The following GRM1 variants were observed in gnomAD, a reference collection of about 807,000 sequenced individuals.
GRM1 encodes metabotropic glutamate receptor 1.
A neutral mutation model predicts 90.9 loss-of-function variants in GRM1; 33 were observed. That is an observed-to-expected ratio of 0.36 (90% confidence interval 0.28 to 0.49). GRM1 has a LOEUF of 0.49. Among genes scored for constraint, GRM1 ranks in the 20% least tolerant of loss-of-function variants. GRM1 has a pLI of 0.99. For synonymous variants in GRM1, 700 were observed against 613.2 expected (o/e 1.14, Z -2.09); for missense variants, 1,190 against 1,534.3 (o/e 0.78, Z 3.75).
chr6:146,029,261 T>C lies in GRM1; in HGVS notation c.-257T>C, dbSNP rs1222969594. ...TCTTGATCAATTTACCTTGATGCAC[T>C]ACCGGTGAAGAACGGGGACTCGAAT... On this transcript the variant is annotated 5_prime_UTR_variant, in exon 1 of 8. Coordinates refer to ENST00000282753, the MANE Select transcript of GRM1 (RefSeq NM_001278064.2). 2 of 545,942 alleles carry C rather than the reference T, an allele frequency of 3.7e-6. No individual in the cohort carries two copies. Among genetic ancestry groups the C allele is most frequent in the Non-Finnish European group, 6.6e-6 (2 of 303,168 alleles). The allele number at this position is 545,942 out of a possible 1,614,324, so 33.8% of individuals were successfully genotyped here.
At chr6:146,059,607 G>A (rs1311222569) in intron 1 of GRM1, among the ~76,000 whole-genome samples, 2 of 152,120 alleles carry the variant, frequency 1.3e-5, no homozygotes, top group Non-Finnish European at 2.9e-5. Context: ...AAGCTTTGGA[G>A]CTAGCATCGA....
At chr6:146,153,161 G>A (rs910647950) in intron 1 of GRM1, among the ~76,000 whole-genome samples, 2 of 152,164 alleles carry the variant, frequency 1.3e-5, no homozygotes, top group African/African-American at 4.8e-5. Flanking sequence ...CTCAGAACAA[G>A]CGACACTTTC....
chr6:146,410,831 C>T (rs190500429), intron 7 of GRM1, among the ~76,000 whole-genome samples: 2 of 152,200 alleles, frequency 1.3e-5, no homozygotes, highest in Admixed American at 1.3e-4. Flanking sequence ...GGTTGGTATT[C>T]CTTATAAGGA....
chr6:146,394,703 G>T (rs1461696849), intron 6 of GRM1, among the ~76,000 whole-genome samples: 3 of 152,098 alleles, frequency 2.0e-5, no homozygotes, highest in Non-Finnish European at 2.9e-5. Flanking sequence ...TTTCAGCTAA[G>T]AAATACAAAT....
At chr6:146,312,390 T>G (rs1305630612) in intron 3 of GRM1, among the ~76,000 whole-genome samples, 3 of 144,952 alleles carry the variant, frequency 2.1e-5, no homozygotes, top group South Asian at 4.4e-4. Context: ...GAATATTTAG[T>G]AAGCTTTGAC....
chr6:146,043,793 A>ATC (rs1218933511), intron 1 of GRM1, among the ~76,000 whole-genome samples: 9 of 136,244 alleles, frequency 6.6e-5, no homozygotes, highest in South Asian at 2.4e-4. Flanking sequence ...ATATATATAT[A>ATC]TATATATATA....
Position 146,029,872 on chromosome 6 carries a change from A to G in GRM1, c.355A>G (p.Ser119Gly). Residue 119 changes from serine to glycine, a missense_variant, in exon 1 of 8, where the codon AGC becomes GGC. This residue lies in a region of GRM1 where 91 missense variants were observed against 95.6 expected (regional missense o/e 0.95). Transcript: ENST00000282753. ...GCACTCTTCCGTGGCTCTGGAACAG[A>G]GCATTGAGTTCATTAGGGACTCTCT... ...CWHSSVALEQ[S>G]IEFIRDSLIS... 2.5e-6 allele frequency: 4 copies of G among 1,614,062 alleles called. No individual in the cohort carries two copies. Among genetic ancestry groups the G allele is most frequent in the Non-Finnish European group, 3.4e-6 (4 of 1,179,984 alleles).
intron 1 of GRM1, among the ~76,000 whole-genome samples, chr6:146,131,378 C>T (rs1262874683): frequency 6.6e-6 from 1 of 151,902 alleles, no homozygotes; most frequent in Non-Finnish European, 1.5e-5. Flanking sequence ...AATTAGGAGC[C>T]CTGGGTTTCA....
At chr6:146,353,349 C>G (rs1785471466) in intron 4 of GRM1, among the ~76,000 whole-genome samples, 1 of 152,218 alleles carries the variant, frequency 6.6e-6, no homozygotes, top group South Asian at 2.1e-4. Context: ...CTTATAGGCC[C>G]TGTCACCTGT....
intron 5 of GRM1, among the ~76,000 whole-genome samples, chr6:146,372,143 T>G (rs1414427024): frequency 1.3e-5 from 2 of 152,184 alleles, no homozygotes; most frequent in African/African-American, 4.8e-5. Flanking sequence ...GTCATTTGGA[T>G]ATAAACCATT....
intron 1 of GRM1, among the ~76,000 whole-genome samples, chr6:146,149,410 G>T (rs887059896): frequency 1.3e-5 from 2 of 152,304 alleles, no homozygotes; most frequent in Non-Finnish European, 2.9e-5. Flanking sequence ...CAGTGCTAAA[G>T]CCTTATGTCC....
intron 3 of GRM1, among the ~76,000 whole-genome samples, chr6:146,316,917 A>G (rs915261857): frequency 8.5e-5 from 13 of 152,120 alleles, no homozygotes; most frequent in Non-Finnish European, 1.9e-4. Context: ...CAGCTTTTTA[A>G]TTTTTCTAAG....
In GRM1 at chr6:146,146,103, C is replaced by CTTTTTTTTTTTT. The variant is rs35329703; in HGVS notation, c.701-13220_701-13209dup. Among the ~76,000 whole-genome samples the CTTTTTTTTTTTT allele has an allele frequency of 2.6e-3, 51 of 19,990 alleles. 21 individuals are homozygous for CTTTTTTTTTTTT. Among genetic ancestry groups the CTTTTTTTTTTTT allele is most frequent in the South Asian group, 4.7e-3 (2 of 428 alleles). 13.1% of individuals were successfully genotyped at this position (19,990 alleles called of 152,430 possible). Reference sequence around the variant, plus strand: ...CTGTGCCTATGTACTACCATTGTATCTTTTTTTTTTTTTTTTTTTTTTTTT... The same window carrying CTTTTTTTTTTTT: ...CTGTGCCTATGTACTACCATTGTATCTTTTTTTTTTTTTTTTTTTTTTTTTTTTTTTTTTTTT... On this transcript the variant is annotated intron_variant, in intron 1 of 7. Coordinates refer to ENST00000282753, the MANE Select transcript of GRM1 (RefSeq NM_001278064.2).
At chr6:146,334,346 C>G (rs1041062897) in intron 3 of GRM1, among the ~76,000 whole-genome samples, 5 of 152,192 alleles carry the variant, frequency 3.3e-5, no homozygotes, top group African/African-American at 1.2e-4. Flanking sequence ...TGGAGAAAAA[C>G]TATATGACAT....
intron 2 of GRM1, among the ~76,000 whole-genome samples, chr6:146,233,843 T>C (rs1780532255): frequency 2.0e-5 from 3 of 152,214 alleles, no homozygotes; most frequent in African/African-American, 7.2e-5. Flanking sequence ...TAGCTTTCTA[T>C]ATCTTTTAAG....
intron 1 of GRM1, among the ~76,000 whole-genome samples, chr6:146,068,730 C>CA (rs1305892507): frequency 6.6e-6 from 1 of 151,990 alleles, no homozygotes; most frequent in Admixed American, 6.5e-5. Flanking sequence ...AGAATAAAGG[C>CA]AAAAAATTGG....
intron 1 of GRM1, among the ~76,000 whole-genome samples, chr6:146,076,194 C>T (rs1043124072): frequency 5.9e-5 from 9 of 152,026 alleles, no homozygotes; most frequent in African/African-American, 1.7e-4. Flanking sequence ...AGTGATGAGT[C>T]GAATAGACGG....
intron 1 of GRM1, among the ~76,000 whole-genome samples, chr6:146,146,088 G>T: frequency 1.2e-5 from 1 of 82,446 alleles, no homozygotes; most frequent in African/African-American, 3.7e-5. Flanking sequence ...CTGTGCCTAT[G>T]TACTACCATT....
At chr6:146,186,368 G>T (rs187298067) in intron 2 of GRM1, among the ~76,000 whole-genome samples, 1 of 152,054 alleles carries the variant, frequency 6.6e-6, no homozygotes, top group Non-Finnish European at 1.5e-5. Context: ...CATTTTTGCT[G>T]TTTGGGCTGG....
Sources: allele counts gnomAD v4.1 joint callset (sites outside exome capture counted in the v4.1 genomes callset), GRCh38; gene constraint gnomAD v4.1.1; regional missense constraint gnomAD v4.1.1; transcripts MANE v1.5; gene names NCBI Gene and HGNC (gene_info 2026-07-23, HGNC 2026-07-21).